Variants in SPG11 observed in about 807,000 individuals in gnomAD.
SPG11 encodes SPG11 vesicle trafficking associated, spatacsin, also known as spatacsin.
A neutral mutation model predicts 274.0 loss-of-function variants in SPG11; 222 were observed. The observed-to-expected ratio is 0.81, with a 90% CI of 0.73 to 0.91. The LOEUF is 0.91. SPG11 is among the 40% of genes least tolerant of loss of function. SPG11 has a pLI of 0.00. For synonymous variants in SPG11, 1,144 were observed against 1,039.7 expected (o/e 1.10, Z -1.93); for missense variants, 3,114 against 2,872.7 (o/e 1.08, Z -1.92).
At chr15:44,652,037 A>C (rs2084797481) in intron 5 of SPG11, 92 bp downstream of exon 5, 1 of 1,562,038 alleles carries the variant, frequency 6.4e-7, no homozygotes, top group South Asian at 1.2e-5. Context: ...AAAAAAAAGT[A>C]TCTATCAAAT....
At chr15:44,663,307 G>C in intron 1 of SPG11, 84 bp downstream of exon 1, 1 of 1,529,386 alleles carries the variant, frequency 6.5e-7, no homozygotes, top group Non-Finnish European at 8.9e-7. Context: ...CTGCAGGGAG[G>C]CCTCGGCGTG....
At chr15:44,649,824 G>A (rs2084712332) in intron 6 of SPG11, among the ~76,000 whole-genome samples, 1 of 151,792 alleles carries the variant, frequency 6.6e-6, no homozygotes, top group South Asian at 2.1e-4. Context: ...GAACCTGGGA[G>A]GCGGAGGTTG....
At chr15:44,581,060 G>GA (rs981786082) in intron 30 of SPG11, among the ~76,000 whole-genome samples, 49 of 148,770 alleles carry the variant, frequency 3.3e-4, no homozygotes, top group Admixed American at 1.8e-3. Context: ...ACCAACAACA[G>GA]AAAAAAAAAC....
intron 20 of SPG11, among the ~76,000 whole-genome samples, chr15:44,603,053 ATTTTT>A (rs988355401): frequency 1.5e-5 from 2 of 131,292 alleles, no homozygotes; most frequent in African/African-American, 2.9e-5. Context: ...CCAACAGGCA[ATTTTT>A]TTTTTTTTTT....
At chr15:44,573,525 G>T in intron 32 of SPG11, 22 bp downstream of exon 32, 1 of 1,613,766 alleles carries the variant, frequency 6.2e-7, no homozygotes. Flanking sequence ...GAGAGGTTGG[G>T]AATCCCCGGG....
chr15:44,626,203 T>C, intron 11 of SPG11, 128 bp downstream of exon 11: 1 of 790,122 alleles, frequency 1.3e-6, no homozygotes, highest in Non-Finnish European at 1.9e-6. Context: ...AATGTCATTA[T>C]TTCTTAGTGT....
At chr15:44,574,592 C>G (rs1434864000) in intron 31 of SPG11, among the ~76,000 whole-genome samples, 4 of 152,088 alleles carry the variant, frequency 2.6e-5, no homozygotes, top group African/African-American at 9.7e-5. Context: ...AATGCAAAAC[C>G]CAAGATATTA....
intron 31 of SPG11, among the ~76,000 whole-genome samples, chr15:44,574,464 T>C (rs1404051212): frequency 6.6e-6 from 1 of 152,222 alleles, no homozygotes; most frequent in Non-Finnish European, 1.5e-5. Flanking sequence ...TGTGCTCTTC[T>C]ACTTCCAGTC....
At chr15:44,652,401 A>G (rs1380081815) in intron 4 of SPG11, 135 bp from the exon 5 acceptor site, 2 of 909,370 alleles carry the variant, frequency 2.2e-6, no homozygotes, top group Non-Finnish European at 3.4e-6. Flanking sequence ...GGAACTCCTT[A>G]TCTCCCTTGC....
rs2084275682 is a variant in SPG11 at position 44,636,925 on chromosome 15, C to CAAAAAAAAAAAAACAAAAAAAAAAAAAA, written c.1603-3289_1603-3288insTTTTTTTTTTTTTTGTTTTTTTTTTTTT. Among the ~76,000 whole-genome samples the CAAAAAAAAAAAAACAAAAAAAAAAAAAA allele has an allele frequency of 2.1e-4, 4 of 19,454 alleles. No individual in the cohort carries two copies. In the Admixed American group the frequency reaches 2.3e-3, roughly 11 times the overall value. 12.8% of individuals were successfully genotyped at this position (19,454 alleles called of 152,430 possible). On this transcript the variant is annotated intron_variant, in intron 7 of 39. Coordinates refer to ENST00000261866, the MANE Select transcript of SPG11 (RefSeq NM_025137.4). ...TGGGCAACAGAGCAAGACTCCATCT[C>CAAAAAAAAAAAAACAAAAAAAAAAAAAA]AAAAAAAAAAAAAAAAAAAAAAAAA...
At chr15:44,598,562 C>T in intron 22 of SPG11, 69 bp downstream of exon 22, 1 of 1,473,338 alleles carries the variant, frequency 6.8e-7, no homozygotes, top group Non-Finnish European at 9.5e-7. Context: ...CCCAAACACT[C>T]ACAATTCAAT....
At chr15:44,563,419 A>G (rs113541778) in intron 39 of SPG11, 118 bp from the exon 40 acceptor site, 12 of 837,250 alleles carry the variant, frequency 1.4e-5, no homozygotes, top group Admixed American at 7.9e-5. Context: ...GCTCACTGCA[A>G]CCTCCACCTG....
chr15:44,658,608 AC>A (rs1327426435), intron 3 of SPG11, among the ~76,000 whole-genome samples: 5 of 151,884 alleles, frequency 3.3e-5, no homozygotes, highest in Admixed American at 6.6e-5. Context: ...ACAGGCATGC[AC>A]CACCACGCCT....
chr15:44,659,163 A>AG lies in SPG11; in HGVS notation c.582dup (p.Pro196AlafsTer10), dbSNP rs777919475. The AG allele has an allele frequency of 6.2e-7, 1 of 1,614,138 alleles. No individual in the cohort carries two copies. The highest frequency in any genetic ancestry group is 1.1e-5 in the South Asian group (1 of 91,094). ...ATCATGTCCACTGCCTGTGCAGGCA[A>AG]GGGAAGTGTGAAACAGTTGAGTACT... is the stretch of plus-strand genomic sequence containing the variant. On this transcript the variant is annotated frameshift_variant, in exon 3 of 40. Coordinates refer to ENST00000261866, the MANE Select transcript of SPG11 (RefSeq NM_025137.4). LOFTEE classifies it high-confidence loss of function.
At chr15:44,634,503 C>T (rs2084180437) in intron 7 of SPG11, among the ~76,000 whole-genome samples, 2 of 150,836 alleles carry the variant, frequency 1.3e-5, no homozygotes, top group East Asian at 2.0e-4. Flanking sequence ...AGGCTAGTCT[C>T]GAACTCCTGG....
In SPG11 at chr15:44,572,432, A is replaced by AT. The variant is rs2082442991; in HGVS notation, c.6343+250dup. On this transcript the variant is annotated intron_variant, in intron 33 of 39. Transcript: ENST00000261866. The stretch of plus-strand genomic sequence containing the variant: ...ACAATAACGTTCTCTTTGCAGGGCA[A>AT]TATAAGAGTGAAATAAGTATGTTGA... 3 of 481,196 alleles carry AT rather than the reference A, an allele frequency of 6.2e-6. No individual in the cohort carries two copies. In the East Asian group the frequency reaches 1.2e-4, roughly 20 times the overall value. 29.8% of individuals were successfully genotyped at this position (481,196 alleles called of 1,614,324 possible).
chr15:44,626,178 ATT>A (rs2083892988), intron 11 of SPG11, among the ~76,000 whole-genome samples, 151 bp downstream of exon 11: 1 of 152,198 alleles, frequency 6.6e-6, no homozygotes, highest in Non-Finnish European at 1.5e-5. Flanking sequence ...ACACCCAGCC[ATT>A]CTCAGTGTTA....
intron 11 of SPG11, among the ~76,000 whole-genome samples, chr15:44,623,252 C>G (rs1388797425): frequency 6.6e-6 from 1 of 152,018 alleles, no homozygotes; most frequent in Non-Finnish European, 1.5e-5. Context: ...CCTGGCCCTC[C>G]TACATTCATT....
Position 44,574,922 on chromosome 15 carries a change from A to T in SPG11, c.5986T>A (p.Cys1996Ser). The T allele has an allele frequency of 6.2e-7, 1 of 1,614,074 alleles. No individual in the cohort carries two copies. The highest frequency in any genetic ancestry group is 1.1e-5 in the South Asian group (1 of 91,084). Residue 1996 changes from cysteine to serine, a missense_variant, in exon 31 of 40, where the codon TGT (cysteine) becomes AGT (serine). Coordinates refer to ENST00000261866, the MANE Select transcript of SPG11 (RefSeq NM_025137.4). Reference protein sequence around the residue: ...HGKNYCRQVLCLYDLAKELGC... With the variant: ...HGKNYCRQVLSLYDLAKELGC... ...CATACCTTGGCAAGATCATACAGAC[A>T]GAGGACCTGTCGACAGTAGTTCTTC... is the stretch of plus-strand genomic sequence containing the variant.
Sources: gnomAD v4.1 joint callset for allele counts (sites outside exome capture counted in the v4.1 genomes callset) on GRCh38, gnomAD v4.1.1 for gene constraint, MANE v1.5 for transcripts, NCBI Gene and HGNC (gene_info 2026-07-23, HGNC 2026-07-21) for gene names.